The following TDRD3 variants were observed in gnomAD, a reference collection of about 807,000 sequenced individuals.
TDRD3 encodes tudor domain-containing protein 3.
TDRD3 carries 45 observed loss-of-function variants against 86.7 expected under a neutral mutation model. That is an observed-to-expected ratio of 0.52 (90% CI 0.41 to 0.67). TDRD3 has a LOEUF of 0.67. TDRD3 is among the 30% of genes least tolerant of loss of function. TDRD3 has a pLI of 0.00. For synonymous variants in TDRD3, 298 were observed against 301.7 expected (o/e 0.99, Z 0.13); for missense variants, 814 against 889.0 (o/e 0.92, Z 1.07).
At chr13:60,565,242 A>G (rs1958427855) in intron 12 of TDRD3, among the ~76,000 whole-genome samples, 1 of 150,192 alleles carries the variant, frequency 6.7e-6, no homozygotes, top group Non-Finnish European at 1.5e-5. Context: ...TTTTTAGTAG[A>G]GACGAGGTTT....
chr13:60,432,211 T>C (rs1403260852), intron 1 of TDRD3, among the ~76,000 whole-genome samples: 3 of 152,112 alleles, frequency 2.0e-5, no homozygotes, highest in African/African-American at 7.2e-5. Flanking sequence ...TAATAGAGCT[T>C]TTGCCATGGA....
intron 8 of TDRD3, among the ~76,000 whole-genome samples, chr13:60,498,564 A>G (rs1249887863): frequency 6.6e-6 from 1 of 152,160 alleles, no homozygotes; most frequent in Non-Finnish European, 1.5e-5. Flanking sequence ...TTCTAGGTCT[A>G]ATGGACAAAA....
intron 4 of TDRD3, among the ~76,000 whole-genome samples, chr13:60,465,898 T>C (rs1241394671): frequency 6.6e-6 from 1 of 152,010 alleles, no homozygotes; most frequent in Non-Finnish European, 1.5e-5. Context: ...AGAGATGGGG[T>C]GGGGCTTGGT....
chr13:60,483,414 G>A (rs1192090288), intron 5 of TDRD3, among the ~76,000 whole-genome samples: 3 of 151,976 alleles, frequency 2.0e-5, no homozygotes, highest in African/African-American at 7.3e-5. Flanking sequence ...ATAATTTCCA[G>A]GTAATATTTG....
intron 1 of TDRD3, among the ~76,000 whole-genome samples, chr13:60,437,143 T>TTTTTTTG (rs1955135522): frequency 6.9e-6 from 1 of 145,342 alleles, no homozygotes; most frequent in Non-Finnish European, 1.5e-5. Context: ...TTTTTTTTTT[T>TTTTTTTG]GAGGCAGAGT....
At chr13:60,414,973 GT>G (rs1954462174) in intron 1 of TDRD3, among the ~76,000 whole-genome samples, 4 of 151,926 alleles carry the variant, frequency 2.6e-5, no homozygotes, top group African/African-American at 9.7e-5. Flanking sequence ...TGAAAAACCT[GT>G]TAAAACACAT....
chr13:60,496,813 A>C (rs919440688), intron 8 of TDRD3, among the ~76,000 whole-genome samples: 1 of 152,128 alleles, frequency 6.6e-6, no homozygotes, highest in Non-Finnish European at 1.5e-5. Flanking sequence ...TCTTATTGTT[A>C]CTGGAGGGTC....
intron 10 of TDRD3, among the ~76,000 whole-genome samples, chr13:60,521,897 CA>C (rs199889576): frequency 7.0e-5 from 10 of 143,326 alleles, no homozygotes; most frequent in South Asian, 2.2e-4. Context: ...AACTCCGTTT[CA>C]AAAAAAAAAG....
At chr13:60,468,872 C>T (rs961258734) in intron 5 of TDRD3, among the ~76,000 whole-genome samples, 6 of 152,148 alleles carry the variant, frequency 3.9e-5, no homozygotes, top group Middle Eastern at 3.2e-3. Flanking sequence ...GATTACTCCT[C>T]GAGCTGAAAT....
At chr13:60,476,243 C>A (rs976235058) in intron 5 of TDRD3, among the ~76,000 whole-genome samples, 2 of 152,164 alleles carry the variant, frequency 1.3e-5, no homozygotes, top group Non-Finnish European at 2.9e-5. Flanking sequence ...GGTCCAGTTT[C>A]AATCTTCTGC....
intron 10 of TDRD3, among the ~76,000 whole-genome samples, chr13:60,512,985 T>A (rs970217361): frequency 6.6e-6 from 1 of 152,226 alleles, no homozygotes; most frequent in African/African-American, 2.4e-5. Context: ...ATTTCCCTTC[T>A]GCACTGCCCT....
intron 3 of TDRD3, among the ~76,000 whole-genome samples, chr13:60,447,878 A>G (rs190686194): frequency 6.6e-6 from 1 of 152,280 alleles, no homozygotes; most frequent in Non-Finnish European, 1.5e-5. Context: ...TCATCTTAGT[A>G]GAAACTGCCT....
At chr13:60,409,930 G>A (rs1332182265) in intron 1 of TDRD3, among the ~76,000 whole-genome samples, 2 of 152,152 alleles carry the variant, frequency 1.3e-5, no homozygotes, top group Non-Finnish European at 2.9e-5. Context: ...TACTTGAATT[G>A]TATCTCCCAG....
chr13:60,439,601 A>G, intron 1 of TDRD3, 87 bp from the exon 2 acceptor site: 1 of 937,452 alleles, frequency 1.1e-6, no homozygotes, highest in East Asian at 2.7e-5. Context: ...AGCACTTTAT[A>G]GTAGAAAACA....
chr13:60,495,121 G>A (rs2137565175), intron 8 of TDRD3, among the ~76,000 whole-genome samples: 1 of 152,312 alleles, frequency 6.6e-6, no homozygotes, highest in South Asian at 2.1e-4. Flanking sequence ...GACTTTGGTT[G>A]ATTTTTGTCT....
At chr13:60,498,709 TGA>T (rs1956768949) in intron 8 of TDRD3, among the ~76,000 whole-genome samples, 2 of 152,260 alleles carry the variant, frequency 1.3e-5, no homozygotes, top group African/African-American at 4.8e-5. Flanking sequence ...GTTTATGCAG[TGA>T]GTCTTTCTTC....
chr13:60,427,320 T>C (rs906896064), intron 1 of TDRD3, among the ~76,000 whole-genome samples: 1 of 151,918 alleles, frequency 6.6e-6, no homozygotes, highest in African/African-American at 2.4e-5. Flanking sequence ...GATTTTGTAG[T>C]GCATATTAAT....
At chr13:60,454,764 T>C (rs573203898) in intron 3 of TDRD3, among the ~76,000 whole-genome samples, 6 of 152,304 alleles carry the variant, frequency 3.9e-5, no homozygotes, top group South Asian at 2.1e-4. Context: ...ACATTGGGAA[T>C]GTTTCTGAAA....
intron 1 of TDRD3, among the ~76,000 whole-genome samples, chr13:60,439,065 G>A (rs969088485): frequency 1.3e-5 from 2 of 152,030 alleles, no homozygotes; most frequent in African/African-American, 4.8e-5. Flanking sequence ...ATGCATGGCT[G>A]ATTTGGACTG....
Sources: allele counts gnomAD v4.1 joint callset (sites outside exome capture counted in the v4.1 genomes callset), GRCh38; gene constraint gnomAD v4.1.1; transcripts MANE v1.5; gene names NCBI Gene and HGNC (gene_info 2026-07-23, HGNC 2026-07-21).